TAMM41: variants seen among roughly 807,000 people sequenced by gnomAD.
The protein encoded by TAMM41 is phosphatidate cytidylyltransferase, mitochondrial.
In TAMM41, 36 loss-of-function variants were observed where a neutral mutation model predicts 44.1. The ratio of observed to expected loss-of-function variants is 0.82; its 90% CI spans 0.63 to 1.08. The LOEUF (loss-of-function observed/expected upper bound fraction) is 1.08, where lower values mean the gene tolerates loss of function less well. Ranked by LOEUF, TAMM41 falls within the 50% of genes least tolerant of loss-of-function variation. TAMM41 has a pLI of 0.00. For missense variants in TAMM41, 417 were observed against 404.3 expected (o/e 1.03, Z -0.27); for synonymous variants, 164 against 153.1 (o/e 1.07, Z -0.53).
chr3:11,755,796 T>C, the TAMM41 span, among the ~76,000 whole-genome samples: 16 of 152,278 alleles, frequency 1.1e-4, no homozygotes, highest in African/African-American at 2.9e-4. Flanking sequence ...AACCGGCTCT[T>C]ACACTCCTTA....
the TAMM41 span, among the ~76,000 whole-genome samples, chr3:11,732,641 G>C: frequency 3.3e-5 from 5 of 152,232 alleles, no homozygotes; most frequent in African/African-American, 9.6e-5. Flanking sequence ...TGTGACAGCA[G>C]AATAGCATCA....
At chr3:11,786,014 G>C (rs182438093), downstream of TAMM41, among the ~76,000 whole-genome samples, 295 of 152,092 alleles carry the variant, frequency 1.9e-3, 1 homozygote, top group African/African-American at 6.7e-3. Flanking sequence ...CTAATGCTGT[G>C]TACAAGTCTT....
the TAMM41 span, among the ~76,000 whole-genome samples, chr3:11,758,362 G>GTT: frequency 3.9e-5 from 6 of 151,918 alleles, no homozygotes; most frequent in African/African-American, 9.7e-5. Context: ...GTTTTGTTTT[G>GTT]TTTTTTTGAG....
At chr3:11,830,806 G>T (rs1276555244) in intron 3 of TAMM41, 1 of 151,742 alleles carries the variant, frequency 6.6e-6, no homozygotes, top group Non-Finnish European at 1.5e-5. Flanking sequence ...AGGTGGTTGA[G>T]GCTGCAGTGG....
Position 11,817,370 on chromosome 3 carries a change from A to G in TAMM41, c.563-33T>C, listed in dbSNP as rs894532461. ...AAACAAAGAGATAAACACATCTTCCATTAAGAATCCACACTCTCGACCTAT... is the reference window on the plus strand; with the variant it reads ...AAACAAAGAGATAAACACATCTTCCGTTAAGAATCCACACTCTCGACCTAT... On this transcript the variant is annotated intron_variant, in intron 4 of 7. Transcript: ENST00000455809. 1.9e-6 allele frequency: 3 copies of G among 1,588,730 alleles called. No individual in the cohort carries two copies. The African/African-American group carries it at 4.0e-5, about 21-fold the overall frequency.
At chr3:11,845,806 A>T (rs957045882) in intron 1 of TAMM41, among the ~76,000 whole-genome samples, 4 of 152,168 alleles carry the variant, frequency 2.6e-5, no homozygotes, top group South Asian at 2.1e-4. Flanking sequence ...AATTACAAGG[A>T]AAACTGTACC....
chr3:11,776,175 G>A, the TAMM41 span, among the ~76,000 whole-genome samples: 4 of 151,314 alleles, frequency 2.6e-5, no homozygotes, highest in African/African-American at 4.9e-5. Context: ...CACCACGCCC[G>A]GCTAATTTTT....
chr3:11,766,341 T>C, the TAMM41 span, among the ~76,000 whole-genome samples: 1 of 152,002 alleles, frequency 6.6e-6, no homozygotes, highest in African/African-American at 2.4e-5. Context: ...ATTTTCTGTA[T>C]TTTTTTGTAG....
the TAMM41 span, among the ~76,000 whole-genome samples, chr3:11,732,989 G>GTTTTGT: frequency 7.8e-6 from 1 of 128,464 alleles, no homozygotes; most frequent in African/African-American, 3.0e-5. Context: ...TATGATTTGA[G>GTTTTGT]TTTTTTTTTT....
At chr3:11,790,951 C>T (rs2077464106) in intron 7 of TAMM41, among the ~76,000 whole-genome samples, 1 of 152,170 alleles carries the variant, frequency 6.6e-6, no homozygotes, top group South Asian at 2.1e-4. Flanking sequence ...AAATTCCAAC[C>T]CCACCTCACT....
At chr3:11,730,642 G>A in the TAMM41 span, among the ~76,000 whole-genome samples, 1 of 151,476 alleles carries the variant, frequency 6.6e-6, no homozygotes, top group Non-Finnish European at 1.5e-5. Context: ...GCTGAGGCAA[G>A]AGAATCACTT....
chr3:11,769,464 AAG>A, the TAMM41 span, among the ~76,000 whole-genome samples: 1 of 151,998 alleles, frequency 6.6e-6, no homozygotes, highest in South Asian at 2.1e-4. Context: ...CAGCAGGCCA[AAG>A]GGTAAATATT....
chr3:11,731,489 T>A, the TAMM41 span, among the ~76,000 whole-genome samples: 1 of 151,986 alleles, frequency 6.6e-6, no homozygotes, highest in Non-Finnish European at 1.5e-5. Context: ...AGACCCTGTC[T>A]CTACAAAAAT....
the TAMM41 span, among the ~76,000 whole-genome samples, chr3:11,775,670 A>G: frequency 6.6e-6 from 1 of 152,232 alleles, no homozygotes; most frequent in African/African-American, 2.4e-5. Flanking sequence ...CCGTTTGCGC[A>G]GCATTATTCA....
At chr3:11,735,869 G>A in the TAMM41 span, among the ~76,000 whole-genome samples, 2 of 152,114 alleles carry the variant, frequency 1.3e-5, no homozygotes, top group Non-Finnish European at 2.9e-5. Flanking sequence ...CTCAGAGGTA[G>A]GGGAGTACCC....
the TAMM41 span, among the ~76,000 whole-genome samples, chr3:11,762,565 C>A: frequency 6.6e-6 from 1 of 152,202 alleles, no homozygotes; most frequent in Non-Finnish European, 1.5e-5. Context: ...TAGACTCCCA[C>A]TACTGTCTTC....
chr3:11,846,596 C>A lies in TAMM41; in HGVS notation c.41G>T (p.Arg14Leu). The A allele has an allele frequency of 6.2e-7, 1 of 1,614,210 alleles. No homozygotes were observed. Among genetic ancestry groups the A allele is most frequent in the Non-Finnish European group, 8.5e-7 (1 of 1,180,040 alleles). ...CTCGGGGAAGTGAGACAGGATCTTG[C>A]GGAAGGTCACCCACGAGCTCTGCAG... ...QTLQSSWVTF[R>L]KILSHFPEEL... Residue 14 changes from arginine to leucine, a missense_variant, in exon 1 of 8, where the codon CGC becomes CTC. By Grantham distance (102) the Arg-to-Leu change is moderately radical (BLOSUM62 -2). Transcript: ENST00000455809.
Position 11,829,772 on chromosome 3 carries a change from G to A in TAMM41, c.504C>T (p.Leu168=). The change falls in exon 4 of 8, where the codon CTC becomes CTT. Residue 168 remains leucine, a synonymous_variant. Coordinates refer to ENST00000455809, the MANE Select transcript of TAMM41 (RefSeq NM_001284401.2). ...GGTCTTCTTCAGAAAAGCTTTCGGG[G>A]AGCATGAGGAAAGCAGCGGTCACAG... is the stretch of plus-strand genomic sequence containing the variant. ...KSAVTAAFLM[L]PESFSEEDLF... 6.2e-7 allele frequency: 1 copy of A among 1,614,166 alleles called. No individual in the cohort carries two copies.
the TAMM41 span, among the ~76,000 whole-genome samples, chr3:11,764,043 G>A: frequency 1.3e-4 from 20 of 151,956 alleles, no homozygotes; most frequent in Admixed American, 1.1e-3. Flanking sequence ...TAACTCTGTC[G>A]CCCAGGTTGG....
Sources: allele counts gnomAD v4.1 joint callset (sites outside exome capture counted in the v4.1 genomes callset), GRCh38; gene constraint gnomAD v4.1.1; transcripts MANE v1.5; gene names NCBI Gene and HGNC (gene_info 2026-07-23, HGNC 2026-07-21).